HPSE2: variants seen among roughly 807,000 people sequenced by gnomAD.
HPSE2 encodes heparanase 2 (inactive).
Under a neutral mutation model 60.5 loss-of-function variants are expected in HPSE2, and 38 were observed. That is an observed-to-expected ratio of 0.63 (90% CI 0.48 to 0.82). The LOEUF is 0.82. Ranked by LOEUF, HPSE2 falls within the 40% of genes least tolerant of loss-of-function variation. The pLI, the probability that HPSE2 is intolerant of heterozygous loss-of-function variation, is 0.00. For missense variants in HPSE2, 713 were observed against 740.4 expected (o/e 0.96, Z 0.43); for synonymous variants, 295 against 293.2 (o/e 1.01, Z -0.06).
intron 3 of HPSE2, among the ~76,000 whole-genome samples, chr10:98,988,273 C>T (rs1410612039): frequency 9.8e-5 from 15 of 152,296 alleles, no homozygotes; most frequent in African/African-American, 3.6e-4. Context: ...ACCAAAACAG[C>T]ATGCTACTGG....
At chr10:99,092,754 C>G (rs963511096) in intron 3 of HPSE2, among the ~76,000 whole-genome samples, 1 of 152,108 alleles carries the variant, frequency 6.6e-6, no homozygotes, top group South Asian at 2.1e-4. Context: ...ATATCACCAC[C>G]AATTTTTGCA....
At chr10:98,710,633 T>G (rs1292223512) in intron 5 of HPSE2, among the ~76,000 whole-genome samples, 1 of 152,158 alleles carries the variant, frequency 6.6e-6, no homozygotes, top group Non-Finnish European at 1.5e-5. Flanking sequence ...GTAAGCAGAT[T>G]ATCTATTTTA....
Position 99,045,329 on chromosome 10 carries a change from G to A in HPSE2, c.610+98909C>T, listed in dbSNP as rs141698601. Among the ~76,000 whole-genome samples the A allele has an allele frequency of 5.4e-3, 826 of 152,142 alleles. 6 individuals are homozygous for A. The highest frequency in any genetic ancestry group is 8.9e-3 in the Non-Finnish European group (604 of 67,962). On this transcript the variant is annotated intron_variant, in intron 3 of 11. Transcript: ENST00000370552. The stretch of plus-strand genomic sequence containing the variant: ...ATTAATGAAATTAGGAACAAAACAT[G>A]CCAACATCTCTGGAATGCAGCTAAA...
At chr10:98,462,707 C>T (rs1002666968) in intron 11 of HPSE2, among the ~76,000 whole-genome samples, 1 of 152,152 alleles carries the variant, frequency 6.6e-6, no homozygotes, top group Non-Finnish European at 1.5e-5. Flanking sequence ...GCCTGCTTCT[C>T]AGATGCTAGG....
At chr10:99,233,250 T>A (rs1849727280) in intron 1 of HPSE2, among the ~76,000 whole-genome samples, 1 of 152,044 alleles carries the variant, frequency 6.6e-6, no homozygotes, top group African/African-American at 2.4e-5. Context: ...AAAGTCTCTT[T>A]GGCCCCTGAA....
intron 3 of HPSE2, among the ~76,000 whole-genome samples, chr10:98,974,926 T>G (rs1185083927): frequency 2.0e-5 from 3 of 152,346 alleles, no homozygotes; most frequent in East Asian, 3.9e-4. Context: ...GAAAATTTAA[T>G]GCTATTACTT....
At chr10:99,013,124 T>C (rs7098010) in intron 3 of HPSE2, 524,860 of 662,886 alleles carry the variant, frequency 0.79, 208,560 homozygotes, top group East Asian at 0.86. Flanking sequence ...GTCGTGACAT[T>C]AACCATTCAA....
At chr10:99,182,470 G>A (rs927235352) in intron 2 of HPSE2, among the ~76,000 whole-genome samples, 1 of 152,128 alleles carries the variant, frequency 6.6e-6, no homozygotes, top group African/African-American at 2.4e-5. Context: ...CAAGCTGCTT[G>A]TACTGTTATG....
the HPSE2 span, among the ~76,000 whole-genome samples, chr10:99,300,833 A>C: frequency 6.6e-6 from 1 of 152,212 alleles, no homozygotes; most frequent in East Asian, 1.9e-4. Context: ...TTAATTATTC[A>C]TGGAAAAAAC....
At chr10:99,112,613 T>C (rs1283962194) in intron 3 of HPSE2, among the ~76,000 whole-genome samples, 5 of 152,122 alleles carry the variant, frequency 3.3e-5, no homozygotes, top group Non-Finnish European at 7.3e-5. Context: ...CAAATGAAGA[T>C]AAAGTTATTT....
intron 6 of HPSE2, among the ~76,000 whole-genome samples, chr10:98,651,510 C>T (rs1453159894): frequency 6.6e-6 from 1 of 152,102 alleles, no homozygotes; most frequent in African/African-American, 2.4e-5. Flanking sequence ...TGTTTCTTTA[C>T]CATCCTTTCT....
At chr10:98,910,605 G>A (rs932848309) in intron 3 of HPSE2, among the ~76,000 whole-genome samples, 4 of 152,180 alleles carry the variant, frequency 2.6e-5, no homozygotes, top group African/African-American at 9.7e-5. Flanking sequence ...GGCAGAACAA[G>A]AAGGAACAAT....
At chr10:98,917,348 C>T (rs1249272755) in intron 3 of HPSE2, among the ~76,000 whole-genome samples, 1 of 152,116 alleles carries the variant, frequency 6.6e-6, no homozygotes, top group Admixed American at 6.5e-5. Context: ...TGTATGCCAT[C>T]ATCTAATTTA....
At chr10:98,518,944 A>G (rs1942695174) in intron 9 of HPSE2, among the ~76,000 whole-genome samples, 1 of 152,208 alleles carries the variant, frequency 6.6e-6, no homozygotes, top group Admixed American at 6.5e-5. Context: ...GACAGATAAG[A>G]CAGAACTCAA....
intron 9 of HPSE2, among the ~76,000 whole-genome samples, chr10:98,527,616 C>T (rs1943009600): frequency 6.6e-6 from 1 of 152,172 alleles, no homozygotes; most frequent in Non-Finnish European, 1.5e-5. Flanking sequence ...TCTCCAATCC[C>T]TTATTATATT....
At chr10:99,078,537 ATTT>A (rs200641046) in intron 3 of HPSE2, among the ~76,000 whole-genome samples, 1 of 151,512 alleles carries the variant, frequency 6.6e-6, no homozygotes, top group African/African-American at 2.4e-5. Flanking sequence ...ATACAGATGC[ATTT>A]TTTTTTACTT....
chr10:98,827,169 TA>T (rs889032225), intron 3 of HPSE2, among the ~76,000 whole-genome samples: 90 of 120,490 alleles, frequency 7.5e-4, no homozygotes, highest in Middle Eastern at 4.4e-3. Context: ...AATTTTTTTT[TA>T]AAAAACCAAA....
chr10:98,578,944 G>A (rs1487128410), intron 9 of HPSE2, among the ~76,000 whole-genome samples: 1 of 152,148 alleles, frequency 6.6e-6, no homozygotes, highest in Non-Finnish European at 1.5e-5. Flanking sequence ...GTCTCAATCT[G>A]AGCTGAGAGC....
chr10:98,894,195 T>C (rs1032892768), intron 3 of HPSE2, among the ~76,000 whole-genome samples: 2 of 152,070 alleles, frequency 1.3e-5, no homozygotes, highest in African/African-American at 4.8e-5. Flanking sequence ...AAACAATCCT[T>C]CAGTTCAGGA....
Sources: gnomAD v4.1 joint callset for allele counts (sites outside exome capture counted in the v4.1 genomes callset) on GRCh38, gnomAD v4.1.1 for gene constraint, MANE v1.5 for transcripts, NCBI Gene and HGNC (gene_info 2026-07-23, HGNC 2026-07-21) for gene names.